Variants in EXT1 observed in about 807,000 individuals in gnomAD.
EXT1 encodes the protein exostosin glycosyltransferase 1, also known as exostosin-1.
A neutral mutation model predicts 82.5 loss-of-function variants in EXT1; 20 were observed. The ratio of observed to expected loss-of-function variants is 0.24; its 90% confidence interval spans 0.17 to 0.35. The LOEUF is 0.35. Among genes scored for constraint, EXT1 ranks in the 10% least tolerant of loss-of-function variants. EXT1 has a pLI of 1.00. For missense variants in EXT1, 757 were observed against 936.5 expected, an observed-to-expected ratio of 0.81 and a Z score of 2.50; for synonymous variants, 348 against 350.8, an observed-to-expected ratio of 0.99 and a Z score of 0.09.
chr8:117,912,023 G>C (rs1161475953), intron 1 of EXT1, among the ~76,000 whole-genome samples: 1 of 152,172 alleles, frequency 6.6e-6, no homozygotes, highest in East Asian at 1.9e-4. Flanking sequence ...AAAGGAAGAA[G>C]AGTAGAAGAG....
intron 1 of EXT1, among the ~76,000 whole-genome samples, chr8:118,050,450 G>C (rs1816699024): frequency 6.6e-6 from 1 of 152,202 alleles, no homozygotes; most frequent in Non-Finnish European, 1.5e-5. Flanking sequence ...TCTAAAGGCT[G>C]TGCTCTTTCT....
At position 118,065,718 on chromosome 8, in the gene EXT1, A is replaced by G. The variant is rs563935609; in HGVS notation, c.962+44367T>C. Among the ~76,000 whole-genome samples, 327 of 152,358 alleles carry G rather than the reference A, an allele frequency of 2.1e-3. 1 individual carries two copies. The highest frequency in any genetic ancestry group is 7.5e-3 in the African/African-American group (314 of 41,594). On this transcript the variant is annotated intron_variant, in intron 1 of 10. Transcript: ENST00000378204. ...TAGTCATTCACATTCCAAACCAAGC[A>G]CGACCAAAAACAAGCTTTTAAAAGT...
At chr8:117,818,240 T>C (rs985002516) in intron 7 of EXT1, among the ~76,000 whole-genome samples, 195 bp downstream of exon 7, 2 of 151,922 alleles carry the variant, frequency 1.3e-5, no homozygotes, top group African/African-American at 4.8e-5. Context: ...TATAAAAGAG[T>C]TGGTATCAAG....
Position 117,881,742 on chromosome 8 carries a change from T to C in EXT1, c.963-44541A>G, listed in dbSNP as rs190503328. Among the ~76,000 whole-genome samples, 7 of 152,132 alleles carry C rather than the reference T, an allele frequency of 4.6e-5. No homozygotes were observed. In the East Asian group the frequency reaches 1.2e-3, roughly 25 times the overall value. Reference sequence around the variant, plus strand: ...GTTTGTCCCTAAAAAGAAAAGAAAATGTAGGTTGGCCAATCCTTCTTCCCT... The same window carrying C: ...GTTTGTCCCTAAAAAGAAAAGAAAACGTAGGTTGGCCAATCCTTCTTCCCT... On this transcript the variant is annotated intron_variant, in intron 1 of 10. Transcript: ENST00000378204.
chr8:117,846,837 G>A (rs1211824222), intron 1 of EXT1, among the ~76,000 whole-genome samples: 1 of 152,124 alleles, frequency 6.6e-6, no homozygotes, highest in Non-Finnish European at 1.5e-5. Flanking sequence ...CCCCACCTAG[G>A]ACAATCTGAG....
intron 1 of EXT1, among the ~76,000 whole-genome samples, chr8:117,955,171 A>C (rs1563612120): frequency 6.6e-6 from 1 of 152,082 alleles, no homozygotes; most frequent in Non-Finnish European, 1.5e-5. Context: ...AGAGGCTTCT[A>C]TCCCCATGGA....
chr8:117,830,096 C>A (rs999098909), intron 4 of EXT1, 134 bp downstream of exon 4: 14 of 1,134,506 alleles, frequency 1.2e-5, no homozygotes, highest in Admixed American at 3.8e-5. Context: ...AAGAGGTTAA[C>A]CAATATATCC....
chr8:117,897,591 CTT>C (rs34963536), intron 1 of EXT1, among the ~76,000 whole-genome samples: 12 of 90,690 alleles, frequency 1.3e-4, no homozygotes, highest in Admixed American at 2.8e-4. Flanking sequence ...CTTCTTTTCT[CTT>C]TTTTTTTTTT....
chr8:117,945,989 ACCT>A lies in EXT1; in HGVS notation c.963-108791_963-108789del, dbSNP rs534936458. 1.1e-4 allele frequency among the ~76,000 whole-genome samples: 16 copies of A among 151,940 alleles called. No individual in the cohort carries two copies. In the South Asian group the frequency reaches 3.1e-3, roughly 30 times the overall value. On this transcript the variant is annotated intron_variant, in intron 1 of 10. Coordinates refer to ENST00000378204, the MANE Select transcript of EXT1 (RefSeq NM_000127.3). ...GCAATCTCAGCTCACTGCAACCTTC[ACCT>A]CCTGGATTCAAGTGATTCTCCTGCC...
At chr8:117,988,329 T>G (rs1815362413) in intron 1 of EXT1, among the ~76,000 whole-genome samples, 1 of 152,208 alleles carries the variant, frequency 6.6e-6, no homozygotes, top group African/African-American at 2.4e-5. Flanking sequence ...AAATAAGAGA[T>G]TCTCAAAATT....
chr8:117,815,456 G>A (rs1415844045), intron 7 of EXT1, among the ~76,000 whole-genome samples: 2 of 152,096 alleles, frequency 1.3e-5, no homozygotes, highest in Admixed American at 6.6e-5. Context: ...ATCCATTTTC[G>A]AATTCTCATG....
intron 1 of EXT1, among the ~76,000 whole-genome samples, chr8:117,857,305 T>C (rs17503726): frequency 0.019 from 2,856 of 152,222 alleles, 79 homozygotes; most frequent in African/African-American, 0.064. Context: ...CCTGTAATCC[T>C]GGCAATTTGA....
At chr8:117,914,868 C>G (rs945576023) in intron 1 of EXT1, among the ~76,000 whole-genome samples, 9 of 151,330 alleles carry the variant, frequency 5.9e-5, no homozygotes, top group Admixed American at 5.3e-4. Flanking sequence ...TTGCCTTGTG[C>G]TCAGTAGTTC....
chr8:117,889,121 G>A lies in EXT1; in HGVS notation c.963-51920C>T, dbSNP rs902979710. On this transcript the variant is annotated intron_variant, in intron 1 of 10. Coordinates refer to ENST00000378204, the MANE Select transcript of EXT1 (RefSeq NM_000127.3). ...TGCAGTTGTGATAGCTGGAGCTGGGGCAGCTATCTTGGACTCCAGCATGTA... is the reference window on the plus strand; with the variant it reads ...TGCAGTTGTGATAGCTGGAGCTGGGACAGCTATCTTGGACTCCAGCATGTA... Among the ~76,000 whole-genome samples, 4 of 152,108 alleles carry A rather than the reference G, an allele frequency of 2.6e-5. No homozygotes were observed. In the East Asian group the frequency reaches 7.7e-4, roughly 29 times the overall value.
At chr8:117,942,245 A>G (rs2129674873) in intron 1 of EXT1, among the ~76,000 whole-genome samples, 3 of 152,332 alleles carry the variant, frequency 2.0e-5, no homozygotes, top group Middle Eastern at 6.8e-3. Flanking sequence ...ACCTGTGTGC[A>G]CAGACCACAA....
intron 4 of EXT1, 39 bp downstream of exon 4, chr8:117,830,191 A>G (rs912029554): frequency 1.9e-6 from 3 of 1,613,082 alleles, no homozygotes; most frequent in Non-Finnish European, 2.5e-6. Flanking sequence ...TGTATAAAGG[A>G]CCATTATTCA....
At chr8:117,980,379 C>A (rs1231143420) in intron 1 of EXT1, among the ~76,000 whole-genome samples, 1 of 152,184 alleles carries the variant, frequency 6.6e-6, no homozygotes, top group Non-Finnish European at 1.5e-5. Flanking sequence ...CTGCCATCGC[C>A]ACTGTCACCT....
Position 117,804,472 on chromosome 8 carries a change from T to G in EXT1, c.2055+250A>C, listed in dbSNP as rs145567392. On this transcript the variant is annotated intron_variant, in intron 10 of 10. Transcript: ENST00000378204. ...GACTAAGACAAACTCTAAAGACATA[T>G]CTTTCTCATGTCACCTTAAAGATTA... Among the ~76,000 whole-genome samples, 530 of 152,338 alleles carry G rather than the reference T, an allele frequency of 3.5e-3. 4 individuals carry two copies. The highest frequency in any genetic ancestry group is 0.012 in the African/African-American group (501 of 41,576).
rs1197419184 is a variant in EXT1, at chr8:117,795,242, C to T, written c.*4470G>A. ...CAATTCTGGGTAGCTCACTGAGGTT[C>T]CTGATATAAAATGTATTGGAACTCT... On this transcript the variant is annotated 3_prime_UTR_variant, in exon 11 of 11. Coordinates refer to ENST00000378204, the MANE Select transcript of EXT1 (RefSeq NM_000127.3). The T allele has an allele frequency of 6.6e-6, 1 of 152,104 alleles. No individual in the cohort carries two copies. Among genetic ancestry groups the T allele is most frequent in the Admixed American group, 6.5e-5 (1 of 15,268 alleles). The allele number at this position is 152,104 out of a possible 1,614,324, so 9.4% of individuals were successfully genotyped here.
Sources: allele counts gnomAD v4.1 joint callset (sites outside exome capture counted in the v4.1 genomes callset), GRCh38; gene constraint gnomAD v4.1.1; transcripts MANE v1.5; gene names NCBI Gene and HGNC (gene_info 2026-07-23, HGNC 2026-07-21).